Variants in EXOC6B observed in about 807,000 individuals in gnomAD.
EXOC6B encodes SEC15 homolog B.
EXOC6B carries 54 observed loss-of-function variants against 113.5 expected under a neutral mutation model. That is an observed-to-expected ratio of 0.48 (90% confidence interval 0.38 to 0.60). The LOEUF is 0.60. Among genes scored for constraint, EXOC6B ranks in the 20% least tolerant of loss-of-function variants. The pLI is 0.00. For synonymous variants in EXOC6B, 357 were observed against 339.0 expected, an observed-to-expected ratio of 1.05 and a Z score of -0.58; for missense variants, 797 against 977.5, an observed-to-expected ratio of 0.82 and a Z score of 2.46.
At chr2:72,204,184 A>G (rs1679681742) in intron 20 of EXOC6B, among the ~76,000 whole-genome samples, 1 of 152,200 alleles carries the variant, frequency 6.6e-6, no homozygotes, top group Non-Finnish European at 1.5e-5. Flanking sequence ...TGTGTGGTAG[A>G]GTAGAGAAGG....
Position 72,513,372 on chromosome 2 carries a change from T to C in EXOC6B, c.1047-120A>G, listed in dbSNP as rs1235840420. 5 of 1,265,268 alleles carry C rather than the reference T, an allele frequency of 4.0e-6. No homozygotes were observed. In the African/African-American group the frequency reaches 6.0e-5, roughly 15 times the overall value. The allele number at this position is 1,265,268 out of a possible 1,614,324, so 78.4% of individuals were successfully genotyped here. On this transcript the variant is annotated intron_variant, in intron 10 of 21. Transcript: ENST00000272427. ...GCAAAGTTAGTGGTCATTTTTTTCT[T>C]GAAGAAACTTATTCAGTAGAATAAA...
chr2:72,368,324 A>T (rs991618060), intron 19 of EXOC6B, among the ~76,000 whole-genome samples: 6 of 152,214 alleles, frequency 3.9e-5, no homozygotes, highest in Non-Finnish European at 8.8e-5. Context: ...GAAGAAGTTG[A>T]ATCTCTGAAT....
chr2:72,214,466 G>A (rs1680388200), intron 20 of EXOC6B, among the ~76,000 whole-genome samples: 1 of 148,714 alleles, frequency 6.7e-6, no homozygotes, highest in Admixed American at 6.7e-5. Context: ...ACTCTGGCCT[G>A]GGCGACTGAG....
At chr2:72,461,887 T>G (rs1304443296) in intron 18 of EXOC6B, 1 of 152,056 alleles carries the variant, frequency 6.6e-6, no homozygotes, top group Admixed American at 6.6e-5. Context: ...TAGTTTATAG[T>G]CAAAAATATC....
chr2:72,668,977 C>T (rs932129554), intron 6 of EXOC6B, among the ~76,000 whole-genome samples: 6 of 152,242 alleles, frequency 3.9e-5, no homozygotes, highest in Middle Eastern at 3.4e-3. Flanking sequence ...GTCCTAGCCA[C>T]TTGGGAGTCT....
intron 6 of EXOC6B, among the ~76,000 whole-genome samples, chr2:72,676,309 T>A (rs1429443411): frequency 6.6e-6 from 1 of 152,164 alleles, no homozygotes; most frequent in Non-Finnish European, 1.5e-5. Context: ...CTACAAAGCA[T>A]CTGATTTAGT....
intron 1 of EXOC6B, among the ~76,000 whole-genome samples, chr2:72,753,074 T>C (rs1183670843): frequency 1.3e-5 from 2 of 151,990 alleles, no homozygotes; most frequent in African/African-American, 4.8e-5. Context: ...TGTCAAGTCC[T>C]ATAAACCTGA....
At chr2:72,441,773 A>G (rs1348507090) in intron 18 of EXOC6B, among the ~76,000 whole-genome samples, 3 of 151,832 alleles carry the variant, frequency 2.0e-5, no homozygotes, top group Non-Finnish European at 4.4e-5. Context: ...CCGCCCAACA[A>G]AAAGAAAAGC....
intron 6 of EXOC6B, among the ~76,000 whole-genome samples, chr2:72,622,408 A>C (rs897848408): frequency 3.9e-5 from 6 of 152,182 alleles, no homozygotes; most frequent in African/African-American, 1.4e-4. Flanking sequence ...AAGAAAGTGA[A>C]CATTCTGTAA....
At chr2:72,575,448 A>G in intron 7 of EXOC6B, 44 bp downstream of exon 7, 2 of 1,565,338 alleles carry the variant, frequency 1.3e-6, no homozygotes, top group Non-Finnish European at 1.7e-6. Flanking sequence ...CATACTATTT[A>G]AGCTTAAAAA....
chr2:72,399,013 A>AG (rs1352494964), intron 18 of EXOC6B, among the ~76,000 whole-genome samples: 1 of 151,492 alleles, frequency 6.6e-6, no homozygotes, highest in Non-Finnish European at 1.5e-5. Flanking sequence ...GAAAAAGAAA[A>AG]AAAAAAAAAG....
At chr2:72,692,390 C>T (rs1442154158) in intron 6 of EXOC6B, among the ~76,000 whole-genome samples, 2 of 148,420 alleles carry the variant, frequency 1.3e-5, no homozygotes, top group Non-Finnish European at 3.0e-5. Flanking sequence ...CTCGCTCTGT[C>T]GCCTAGGCTG....
chr2:72,214,266 T>C (rs1317171452), intron 20 of EXOC6B, among the ~76,000 whole-genome samples: 1 of 121,926 alleles, frequency 8.2e-6, no homozygotes, highest in Non-Finnish European at 2.0e-5. Context: ...GGCGGGCGGA[T>C]CATGAGGTTA....
chr2:72,617,107 C>T (rs745569425), intron 6 of EXOC6B, among the ~76,000 whole-genome samples: 1 of 152,182 alleles, frequency 6.6e-6, no homozygotes, highest in Non-Finnish European at 1.5e-5. Flanking sequence ...AAAATGATCT[C>T]CTTTGACTCC....
chr2:72,637,093 C>A (rs1271959865), intron 6 of EXOC6B, among the ~76,000 whole-genome samples: 1 of 151,838 alleles, frequency 6.6e-6, no homozygotes, highest in African/African-American at 2.4e-5. Context: ...AAAAGATATA[C>A]AAAGGTATAA....
intron 6 of EXOC6B, among the ~76,000 whole-genome samples, chr2:72,604,178 G>A (rs1344905191): frequency 6.6e-6 from 1 of 152,094 alleles, no homozygotes; most frequent in Non-Finnish European, 1.5e-5. Context: ...TTAGGAAGAA[G>A]TATAATACAA....
At chr2:72,326,988 T>G (rs573943103) in intron 20 of EXOC6B, among the ~76,000 whole-genome samples, 1 of 152,106 alleles carries the variant, frequency 6.6e-6, no homozygotes, top group African/African-American at 2.4e-5. Flanking sequence ...CATTAATTTT[T>G]CATGGGGAAA....
chr2:72,608,145 A>G (rs1392595664), intron 6 of EXOC6B, among the ~76,000 whole-genome samples: 3 of 152,060 alleles, frequency 2.0e-5, no homozygotes, highest in African/African-American at 7.2e-5. Context: ...CCTTCCCTGA[A>G]CTCTTGAAAT....
Position 72,813,120 on chromosome 2 carries a change from C to T in EXOC6B, c.113+12678G>A, listed in dbSNP as rs193171948. On this transcript the variant is annotated intron_variant, in intron 1 of 21. Transcript: ENST00000272427. Reference sequence around the variant, plus strand: ...CTTCTTTATTTCAGAGACAGGATGCCACTCTGTCACCCAGCCTAGAGTACA... The same window carrying T: ...CTTCTTTATTTCAGAGACAGGATGCTACTCTGTCACCCAGCCTAGAGTACA... Among the ~76,000 whole-genome samples, 610 of 152,184 alleles carry T rather than the reference C, an allele frequency of 4.0e-3. 13 individuals carry two copies. Among genetic ancestry groups the T allele is most frequent in the Admixed American group, 0.038 (580 of 15,282 alleles).
Sources: gnomAD v4.1 joint callset for allele counts (sites outside exome capture counted in the v4.1 genomes callset) on GRCh38, gnomAD v4.1.1 for gene constraint, MANE v1.5 for transcripts, NCBI Gene and HGNC (gene_info 2026-07-23, HGNC 2026-07-21) for gene names.